Variants in C10orf67 observed in about 807,000 individuals in gnomAD.
C10orf67 encodes the protein chromosome 10 open reading frame 67.
C10orf67 carries 60 observed loss-of-function variants against 35.6 expected under a neutral mutation model. That is an observed-to-expected ratio of 1.68 (90% confidence interval 1.37 to 2.09). C10orf67 has a LOEUF of 2.09. Ranked by LOEUF, C10orf67 falls within the 30% of genes most tolerant of loss-of-function variation. C10orf67 has a pLI of 0.00. For missense variants in C10orf67, 474 were observed against 330.2 expected (o/e 1.44, Z -3.38); for synonymous variants, 167 against 115.8 (o/e 1.44, Z -2.84).
At chr10:23,287,296 G>A (rs1430715169) in intron 7 of C10orf67, among the ~76,000 whole-genome samples, 2 of 152,124 alleles carry the variant, frequency 1.3e-5, no homozygotes, top group Non-Finnish European at 2.9e-5. Flanking sequence ...CAATGGAGCA[G>A]AACAGAGACC....
At chr10:23,235,316 A>G (rs1280302211) in intron 13 of C10orf67, among the ~76,000 whole-genome samples, 2 of 152,236 alleles carry the variant, frequency 1.3e-5, no homozygotes, top group Non-Finnish European at 2.9e-5. Context: ...CACAGAAAAA[A>G]TAACTAAGTT....
chr10:23,296,128 C>T (rs565002292), intron 5 of C10orf67, among the ~76,000 whole-genome samples: 2 of 151,810 alleles, frequency 1.3e-5, no homozygotes, highest in African/African-American at 4.8e-5. Flanking sequence ...AACATTTTGA[C>T]ATATAACTTT....
Position 23,216,246 on chromosome 10 carries a change from G to T in C10orf67, c.1570+7352C>A, listed in dbSNP as rs555873362. ...AATTCATAGAAGAGGAAACTAAAAT[G>T]GTTAATAAACATATAAAGAATTATT... On this transcript the variant is annotated intron_variant, in intron 15 of 15. Transcript: ENST00000636213. Among the ~76,000 whole-genome samples, 4 of 152,096 alleles carry T rather than the reference G, an allele frequency of 2.6e-5. No individual in the cohort carries two copies. The South Asian group carries it at 8.3e-4, about 32-fold the overall frequency.
chr10:23,305,052 C>A (rs1844223902), intron 4 of C10orf67, among the ~76,000 whole-genome samples: 1 of 152,138 alleles, frequency 6.6e-6, no homozygotes, highest in African/African-American at 2.4e-5. Context: ...AGAAGAAAAT[C>A]TTTACCTACC....
intron 8 of C10orf67, among the ~76,000 whole-genome samples, chr10:23,274,142 C>T (rs765293582): frequency 5.3e-5 from 8 of 152,038 alleles, no homozygotes; most frequent in Non-Finnish European, 7.4e-5. Context: ...AGAGATCACA[C>T]GCTTCAAAGG....
chr10:23,297,510 G>A lies in C10orf67; in HGVS notation c.702+5794C>T, dbSNP rs1055735182. Reference sequence around the variant, plus strand: ...GTGAGGGCTATTAGTTTTACCAGCTGAGCACTAGTTCCTGGAGTGAGGGGA... The same window carrying A: ...GTGAGGGCTATTAGTTTTACCAGCTAAGCACTAGTTCCTGGAGTGAGGGGA... On this transcript the variant is annotated intron_variant, in intron 5 of 15. Transcript: ENST00000636213. 3.3e-5 allele frequency among the ~76,000 whole-genome samples: 5 copies of A among 152,056 alleles called. No individual in the cohort carries two copies. In the South Asian group the frequency reaches 6.2e-4, roughly 19 times the overall value.
chr10:23,246,000 C>T (rs1212187695), intron 12 of C10orf67, among the ~76,000 whole-genome samples: 2 of 152,126 alleles, frequency 1.3e-5, no homozygotes, highest in African/African-American at 2.4e-5. Flanking sequence ...TACACATATG[C>T]GATGGAATAC....
intron 4 of C10orf67, among the ~76,000 whole-genome samples, chr10:23,308,566 C>T (rs963316567): frequency 6.6e-6 from 1 of 152,112 alleles, no homozygotes; most frequent in Non-Finnish European, 1.5e-5. Context: ...CACCACGTTG[C>T]CACAGGTCTC....
chr10:23,239,546 C>G (rs937802650), intron 13 of C10orf67, among the ~76,000 whole-genome samples, 183 bp downstream of exon 13: 3 of 152,244 alleles, frequency 2.0e-5, no homozygotes, highest in African/African-American at 7.2e-5. Context: ...ACCTCTCACA[C>G]TGGACTGAGC....
chr10:23,324,034 A>G (rs1261419150), intron 2 of C10orf67, among the ~76,000 whole-genome samples: 1 of 146,182 alleles, frequency 6.8e-6, no homozygotes, highest in Non-Finnish European at 1.5e-5. Context: ...GAGAGTAATG[A>G]AAAAGAGTGA....
chr10:23,328,266 C>T lies in C10orf67; in HGVS notation c.327+4796G>A, dbSNP rs530279659. Among the ~76,000 whole-genome samples, 329 of 152,218 alleles carry T rather than the reference C, an allele frequency of 2.2e-3. 4 individuals carry two copies. Among genetic ancestry groups the T allele is most frequent in the African/African-American group, 7.7e-3 (319 of 41,548 alleles). ...TACTGATGGAACCATGACATTGTCT[C>T]GGGCGGCAATGTGCATAGCTAAAAT... On this transcript the variant is annotated intron_variant, in intron 2 of 15. Coordinates refer to ENST00000636213, the MANE Select transcript of C10orf67 (RefSeq NM_001371909.1).
intron 8 of C10orf67, among the ~76,000 whole-genome samples, chr10:23,269,384 C>T (rs1842962324): frequency 1.3e-5 from 2 of 152,038 alleles, no homozygotes; most frequent in African/African-American, 2.4e-5. Flanking sequence ...CACTAGAGCG[C>T]CTGCTATAAG....
chr10:23,226,865 A>C (rs1413163923), intron 13 of C10orf67, among the ~76,000 whole-genome samples: 1 of 152,224 alleles, frequency 6.6e-6, no homozygotes, highest in African/African-American at 2.4e-5. Context: ...TCCTGGACAC[A>C]TACACCTTCC....
chr10:23,294,669 T>A (rs1392405295), intron 5 of C10orf67, among the ~76,000 whole-genome samples: 1 of 152,234 alleles, frequency 6.6e-6, no homozygotes, highest in African/African-American at 2.4e-5. Context: ...AATTTGATAA[T>A]CAGTAAGAGT....
rs571104109 is a variant in C10orf67, at chr10:23,303,406, G to A, written c.600C>T (p.Val200=). The part of the protein sequence containing the change: ...ENVSLQDAST[V]KTNILLRKLK... ...GTTTTCTTAACAAAATATTTGTTTTGACAGTACTCGCATCTTGCAAAGAAA... is the reference window on the plus strand; with the variant it reads ...GTTTTCTTAACAAAATATTTGTTTTAACAGTACTCGCATCTTGCAAAGAAA... The change falls in exon 5 of 16, where the codon GTC becomes GTT. Residue 200 remains valine (V), a synonymous_variant. Coordinates refer to ENST00000636213, the MANE Select transcript of C10orf67 (RefSeq NM_001371909.1). The A allele has an allele frequency of 1.6e-6, 1 of 630,930 alleles. No homozygotes were observed. Among genetic ancestry groups the A allele is most frequent in the African/African-American group, 1.9e-5 (1 of 53,516 alleles). The allele number at this position is 630,930 out of a possible 1,614,324, so 39.1% of individuals were successfully genotyped here.
At chr10:23,273,913 C>A (rs759175062) in intron 8 of C10orf67, among the ~76,000 whole-genome samples, 1 of 152,038 alleles carries the variant, frequency 6.6e-6, no homozygotes, top group Non-Finnish European at 1.5e-5. Flanking sequence ...GGGAACCAGC[C>A]CCCAATATTT....
At chr10:23,233,197 T>C (rs778558137) in intron 13 of C10orf67, among the ~76,000 whole-genome samples, 2 of 152,064 alleles carry the variant, frequency 1.3e-5, no homozygotes, top group Non-Finnish European at 2.9e-5. Context: ...CATGTCTGAG[T>C]TGAAGAAAAG....
At chr10:23,321,298 C>G (rs1451647608) in intron 3 of C10orf67, among the ~76,000 whole-genome samples, 1 of 152,190 alleles carries the variant, frequency 6.6e-6, no homozygotes, top group Non-Finnish European at 1.5e-5. Context: ...AAATAATACC[C>G]ATGATTCTCA....
At chr10:23,241,028 T>C (rs547769689) in intron 12 of C10orf67, among the ~76,000 whole-genome samples, 1 of 152,306 alleles carries the variant, frequency 6.6e-6, no homozygotes, top group African/African-American at 2.4e-5. Context: ...AAAGAAGATA[T>C]TTGACTCAGT....
Sources: gnomAD v4.1 joint callset for allele counts (sites outside exome capture counted in the v4.1 genomes callset) on GRCh38, gnomAD v4.1.1 for gene constraint, MANE v1.5 for transcripts, NCBI Gene and HGNC (gene_info 2026-07-23, HGNC 2026-07-21) for gene names.